The following FAM124A variants were observed in gnomAD, a reference collection of about 807,000 sequenced individuals.
FAM124A encodes the protein family with sequence similarity 124 member A.
In FAM124A, 23 loss-of-function variants were observed where a neutral mutation model predicts 24.5. That is an observed-to-expected ratio of 0.94 (90% CI 0.68 to 1.33). The LOEUF is 1.33. FAM124A is among the 40% of genes most tolerant of loss of function. The pLI is 0.00. For synonymous variants in FAM124A, 287 were observed against 314.7 expected (o/e 0.91, Z 0.93); for missense variants, 623 against 722.8 (o/e 0.86, Z 1.58).
intron 3 of FAM124A, among the ~76,000 whole-genome samples, chr13:51,279,483 C>A (rs1287650468): frequency 6.6e-6 from 1 of 152,200 alleles, no homozygotes; most frequent in African/African-American, 2.4e-5. Flanking sequence ...TGCCCCCAAA[C>A]CCATTATTTA....
intron 2 of FAM124A, among the ~76,000 whole-genome samples, chr13:51,243,159 G>A (rs951496252): frequency 1.3e-5 from 2 of 152,116 alleles, no homozygotes; most frequent in South Asian, 2.1e-4. Flanking sequence ...AACCAGTCTC[G>A]CCACTTTCAC....
chr13:51,252,121 C>T lies in FAM124A; in HGVS notation c.754C>T (p.Leu252Phe), dbSNP rs754022683. The T allele has an allele frequency of 3.1e-6, 5 of 1,613,968 alleles. No homozygotes were observed. The Admixed American group carries it at 8.3e-5, about 27-fold the overall frequency. Residue 252 changes from leucine to phenylalanine, a missense_variant, in exon 3 of 4, where the codon CTC becomes TTC. Leu to Phe is a conservative substitution (Grantham distance 22). Coordinates refer to ENST00000322475, the MANE Select transcript of FAM124A (RefSeq NM_001242312.2). ...GAGGGACATAGGCGAGCTCGTGCCTCTCCTGCCCAACCCTTGCAGCCCCAT... is the reference window on the plus strand; with the variant it reads ...GAGGGACATAGGCGAGCTCGTGCCTTTCCTGCCCAACCCTTGCAGCCCCAT... Reference protein sequence around the residue: ...RVRDIGELVPLLPNPCSPISE... With the variant: ...RVRDIGELVPFLPNPCSPISE...
chr13:51,246,489 G>A (rs759800089), intron 2 of FAM124A, among the ~76,000 whole-genome samples: 3 of 151,664 alleles, frequency 2.0e-5, no homozygotes, highest in South Asian at 4.2e-4. Flanking sequence ...CATGTGCAGC[G>A]GGTACGTGCT....
At chr13:51,278,855 A>C (rs1299940343) in intron 3 of FAM124A, among the ~76,000 whole-genome samples, 1 of 152,232 alleles carries the variant, frequency 6.6e-6, no homozygotes, top group Non-Finnish European at 1.5e-5. Flanking sequence ...TTTTAAGCCA[A>C]ATTGAACAGT....
At chr13:51,228,043 T>G (rs982417575) in intron 1 of FAM124A, among the ~76,000 whole-genome samples, 1 of 152,174 alleles carries the variant, frequency 6.6e-6, no homozygotes. Flanking sequence ...TGGAGCTAGT[T>G]AACACTAAAT....
chr13:51,236,682 GTATT>G (rs1247678191), intron 2 of FAM124A, among the ~76,000 whole-genome samples: 1 of 152,142 alleles, frequency 6.6e-6, no homozygotes, highest in Non-Finnish European at 1.5e-5. Context: ...GGATAATGAA[GTATT>G]TATTATTTTC....
chr13:51,267,658 T>C (rs1954801773), intron 3 of FAM124A, among the ~76,000 whole-genome samples: 1 of 152,014 alleles, frequency 6.6e-6, no homozygotes, highest in Admixed American at 6.6e-5. Flanking sequence ...ACAATGCAAA[T>C]GAGAAATGTA....
chr13:51,254,103 G>A (rs1477866262), intron 3 of FAM124A, among the ~76,000 whole-genome samples: 1 of 152,116 alleles, frequency 6.6e-6, no homozygotes. Context: ...GTTAGGTCTT[G>A]GGGGGAGGAG....
chr13:51,262,396 T>A (rs983243461), intron 3 of FAM124A, among the ~76,000 whole-genome samples: 3 of 152,360 alleles, frequency 2.0e-5, no homozygotes, highest in East Asian at 1.9e-4. Context: ...ACAATATTTT[T>A]AAAAATCACT....
At chr13:51,237,591 A>G (rs1954448285) in intron 2 of FAM124A, among the ~76,000 whole-genome samples, 1 of 152,114 alleles carries the variant, frequency 6.6e-6, no homozygotes, top group Non-Finnish European at 1.5e-5. Flanking sequence ...CGATGGTGTC[A>G]GTGATAACAT....
At chr13:51,239,416 T>G (rs1954469010) in intron 2 of FAM124A, among the ~76,000 whole-genome samples, 1 of 152,214 alleles carries the variant, frequency 6.6e-6, no homozygotes, top group Admixed American at 6.5e-5. Flanking sequence ...AAAATGGCAT[T>G]GTATATTTTG....
chr13:51,250,237 ACAC>A (rs1337013510), intron 2 of FAM124A, among the ~76,000 whole-genome samples: 1 of 152,218 alleles, frequency 6.6e-6, no homozygotes, highest in Non-Finnish European at 1.5e-5. Context: ...TCTGAAAAGC[ACAC>A]CACATTGATA....
intron 2 of FAM124A, chr13:51,245,450 C>T: frequency 1.6e-6 from 1 of 606,672 alleles, no homozygotes; most frequent in South Asian, 2.0e-5. Flanking sequence ...CAGCTTCCGG[C>T]ATTCATCTGT....
At chr13:51,249,600 T>C (rs541315650) in intron 2 of FAM124A, among the ~76,000 whole-genome samples, 164 of 152,334 alleles carry the variant, frequency 1.1e-3, no homozygotes, top group African/African-American at 3.8e-3. Flanking sequence ...TAAAGAAACA[T>C]CTATCTGGCC....
intron 2 of FAM124A, among the ~76,000 whole-genome samples, chr13:51,233,194 CTGGTGTAGAAG>C (rs1954398144): frequency 5.9e-5 from 9 of 152,162 alleles, no homozygotes; most frequent in African/African-American, 1.9e-4. Flanking sequence ...CAGTGCAGGT[CTGGTGTAGAAG>C]CTCCTTTTGT....
chr13:51,274,897 T>C (rs1276190866), intron 3 of FAM124A, among the ~76,000 whole-genome samples: 1 of 152,170 alleles, frequency 6.6e-6, no homozygotes, highest in Admixed American at 6.5e-5. Flanking sequence ...CCTCTAAATA[T>C]ATCAATATCT....
intron 1 of FAM124A, among the ~76,000 whole-genome samples, chr13:51,222,888 C>T (rs574972078): frequency 1.0e-3 from 156 of 152,360 alleles, no homozygotes; most frequent in Non-Finnish European, 1.7e-3. Context: ...CTTGTTTCCT[C>T]CTTCCTCGGG....
At chr13:51,253,240 G>A (rs928562702) in intron 3 of FAM124A, 8 of 152,190 alleles carry the variant, frequency 5.3e-5, no homozygotes, top group African/African-American at 1.9e-4. Context: ...CATCGTTTTT[G>A]TTGGTTTTGG....
intron 3 of FAM124A, 22 bp downstream of exon 3, chr13:51,252,223 G>C (rs781676471): frequency 6.2e-7 from 1 of 1,605,918 alleles, no homozygotes; most frequent in Non-Finnish European, 8.5e-7. Context: ...ACGCCTGTCT[G>C]TCTGTTTAGG....
Sources: allele counts gnomAD v4.1 joint callset (sites outside exome capture counted in the v4.1 genomes callset), GRCh38; gene constraint gnomAD v4.1.1; transcripts MANE v1.5; gene names NCBI Gene and HGNC (gene_info 2026-07-23, HGNC 2026-07-21).